Variants in GNPTAB observed in about 807,000 individuals in gnomAD.
GNPTAB encodes N-acetylglucosamine-1-phosphotransferase subunits alpha/beta.
In GNPTAB, 92 loss-of-function variants were observed where a neutral mutation model predicts 136.6. That is an observed-to-expected ratio of 0.67 (90% CI 0.57 to 0.80). The LOEUF (loss-of-function observed/expected upper bound fraction) is 0.80. GNPTAB is among the 30% of genes least tolerant of loss of function. GNPTAB has a pLI of 0.00. For synonymous variants in GNPTAB, 512 were observed against 535.1 expected (o/e 0.96, Z 0.60); for missense variants, 1,343 against 1,501.8 (o/e 0.89, Z 1.75).
chr12:101,816,697 T>C (rs1870524328), intron 1 of GNPTAB, among the ~76,000 whole-genome samples: 1 of 152,174 alleles, frequency 6.6e-6, no homozygotes, highest in Admixed American at 6.5e-5. Flanking sequence ...CTACTGGGTA[T>C]AAACCCAAAA....
At chr12:101,759,574 T>G (rs1248271424) in intron 16 of GNPTAB, among the ~76,000 whole-genome samples, 1 of 152,208 alleles carries the variant, frequency 6.6e-6, no homozygotes, top group South Asian at 2.1e-4. Flanking sequence ...CTATACTCTT[T>G]CAATTATTTC....
At chr12:101,763,348 T>C (rs1476497934) in intron 13 of GNPTAB, among the ~76,000 whole-genome samples, 2 of 152,224 alleles carry the variant, frequency 1.3e-5, no homozygotes, top group Admixed American at 6.5e-5. Flanking sequence ...CACAAGATAC[T>C]TCCTAAAATG....
intron 7 of GNPTAB, chr12:101,773,245 A>G: frequency 1.0e-5 from 2 of 199,268 alleles, no homozygotes; most frequent in South Asian, 1.2e-4. Context: ...CCTGTTTTTA[A>G]TTCCTTGATA....
chr12:101,800,320 AT>A (rs1036482765), intron 1 of GNPTAB, among the ~76,000 whole-genome samples: 2 of 151,884 alleles, frequency 1.3e-5, no homozygotes, highest in African/African-American at 4.8e-5. Context: ...CCTCGTCTCT[AT>A]TTTTTCCCTA....
chr12:101,777,603 G>C (rs1344920927), intron 7 of GNPTAB, among the ~76,000 whole-genome samples: 16 of 152,162 alleles, frequency 1.1e-4, no homozygotes. Flanking sequence ...TGCAAAGCCT[G>C]CCTTGACCCC....
chr12:101,776,506 T>C (rs1429620456), intron 7 of GNPTAB, among the ~76,000 whole-genome samples: 1 of 152,230 alleles, frequency 6.6e-6, no homozygotes, highest in Non-Finnish European at 1.5e-5. Context: ...TTCAAATCCA[T>C]TATCTTACAA....
At chr12:101,814,296 T>C (rs1212608559) in intron 1 of GNPTAB, among the ~76,000 whole-genome samples, 1 of 147,972 alleles carries the variant, frequency 6.8e-6, no homozygotes, top group Non-Finnish European at 1.5e-5. Context: ...TAAAACCCTG[T>C]CTTGAAAAAA....
chr12:101,789,025 G>T (rs1868830839), intron 3 of GNPTAB, among the ~76,000 whole-genome samples: 1 of 152,148 alleles, frequency 6.6e-6, no homozygotes, highest in African/African-American at 2.4e-5. Context: ...ATTCCTAAAA[G>T]GCATAAAGGG....
chr12:101,814,442 A>T (rs1321629339), intron 1 of GNPTAB, among the ~76,000 whole-genome samples: 1 of 152,192 alleles, frequency 6.6e-6, no homozygotes, highest in Non-Finnish European at 1.5e-5. Flanking sequence ...CACGTCTGTT[A>T]ATTCCCGCAC....
chr12:101,773,554 A>G (rs577464997), intron 7 of GNPTAB: 5 of 161,606 alleles, frequency 3.1e-5, no homozygotes, highest in African/African-American at 1.2e-4. Flanking sequence ...GTTTGATAAG[A>G]AGGTATATCA....
At chr12:101,755,096 G>T (rs1952882667) in intron 18 of GNPTAB, among the ~76,000 whole-genome samples, 1 of 152,164 alleles carries the variant, frequency 6.6e-6, no homozygotes, top group Admixed American at 6.6e-5. Flanking sequence ...TAATGGTATT[G>T]TGGTTATATT....
chr12:101,799,609 A>T (rs1420102815), intron 1 of GNPTAB, among the ~76,000 whole-genome samples: 2 of 152,186 alleles, frequency 1.3e-5, no homozygotes, highest in African/African-American at 4.8e-5. Context: ...TGATGGAAAA[A>T]AATTAACACC....
intron 18 of GNPTAB, among the ~76,000 whole-genome samples, 178 bp from the exon 19 acceptor site, chr12:101,753,717 G>A (rs985872534): frequency 7.2e-5 from 11 of 152,168 alleles, no homozygotes; most frequent in South Asian, 6.2e-4. Flanking sequence ...TATTCCTCAC[G>A]TATAAAACAA....
chr12:101,769,747 A>G (rs1251522249), intron 10 of GNPTAB, among the ~76,000 whole-genome samples: 3 of 150,144 alleles, frequency 2.0e-5, no homozygotes, highest in African/African-American at 4.9e-5. Flanking sequence ...CGGCCCCCCA[A>G]CACCCAAGCA....
At chr12:101,784,679 G>GA (rs1001901175) in intron 5 of GNPTAB, among the ~76,000 whole-genome samples, 17 of 128,490 alleles carry the variant, frequency 1.3e-4, no homozygotes, top group Non-Finnish European at 2.0e-4. Context: ...AGAATCATGT[G>GA]GAAAAAAAAA....
In GNPTAB at chr12:101,786,074, AC is replaced by A; in HGVS notation, c.508del (p.Val170LeufsTer43). 1 of 1,614,144 alleles carries A rather than the reference AC, an allele frequency of 6.2e-7. No individual in the cohort carries two copies. Among genetic ancestry groups the A allele is most frequent in the Non-Finnish European group, 8.5e-7 (1 of 1,180,000 alleles). ...GGTAGAAGGGTTTTTTGGTTTTGCA[AC>A]ATTGAAAATGTCACTGGCAGAATGA... The part of the protein sequence containing the change: ...SFHSASDIFN[V>X]AKPKNPSTNV... On this transcript the variant is annotated frameshift_variant, in exon 5 of 21. Transcript: ENST00000299314. LOFTEE classifies it high-confidence loss of function.
chr12:101,749,521 T>G (rs920739594), intron 19 of GNPTAB, among the ~76,000 whole-genome samples: 1 of 152,182 alleles, frequency 6.6e-6, no homozygotes, highest in Non-Finnish European at 1.5e-5. Context: ...TCTTGATAAA[T>G]ACTTCCTGCG....
rs928615323 is a variant in GNPTAB at position 101,806,907 on chromosome 12, G to C, written c.118-10145C>G. Among the ~76,000 whole-genome samples, 4 of 152,006 alleles carry C rather than the reference G, an allele frequency of 2.6e-5. No individual in the cohort carries two copies. The East Asian group carries it at 7.7e-4, about 29-fold the overall frequency. On this transcript the variant is annotated intron_variant, in intron 1 of 20. Transcript: ENST00000299314. ...ATCTCTTTCAGAAAATGGAAGCAGA[G>C]AGAACATTTCCTAATTCATTCTATG...
Position 101,761,613 on chromosome 12 carries a change from G to T in GNPTAB, c.2866C>A (p.His956Asn), listed in dbSNP as rs281865004. Residue 956 changes from histidine to asparagine, a missense_variant, in exon 14 of 21, where the codon CAC (histidine) becomes AAC (asparagine). Physicochemically the swap from His to Asn is moderately conservative, Grantham distance 68 (BLOSUM62 1). Transcript: ENST00000299314. ...ATCCGGTCAATCATGTGAGGCATGT[G>T]AGCAGGGACTTTCCGCGATGTGAAT... ...FGFTSRKVPA[H>N]MPHMIDRIVM... The T allele has an allele frequency of 1.2e-6, 2 of 1,614,152 alleles. No individual in the cohort carries two copies. Among genetic ancestry groups the T allele is most frequent in the Non-Finnish European group, 1.7e-6 (2 of 1,180,002 alleles).
Sources: gnomAD v4.1 joint callset for allele counts (sites outside exome capture counted in the v4.1 genomes callset) on GRCh38, gnomAD v4.1.1 for gene constraint, MANE v1.5 for transcripts, NCBI Gene and HGNC (gene_info 2026-07-23, HGNC 2026-07-21) for gene names.